NDC1: variants seen among roughly 807,000 people sequenced by gnomAD.
NDC1 encodes the protein nucleoporin NDC1.
In NDC1, 24 loss-of-function variants were observed where a neutral mutation model predicts 89.8. The observed-to-expected ratio is 0.27, with a 90% CI of 0.19 to 0.38. NDC1 has a LOEUF of 0.38. Ranked by LOEUF, NDC1 falls within the 10% of genes least tolerant of loss-of-function variation. The pLI, the probability that NDC1 is intolerant of heterozygous loss-of-function variation, is 1.00. For synonymous variants in NDC1, 296 were observed against 284.8 expected (o/e 1.04, Z -0.39); for missense variants, 728 against 797.6 (o/e 0.91, Z 1.05).
At chr1:53,837,912 A>G (rs188050179) in intron 1 of NDC1, among the ~76,000 whole-genome samples, 3 of 152,334 alleles carry the variant, frequency 2.0e-5, no homozygotes, top group Non-Finnish European at 4.4e-5. Context: ...CCTACTGGAT[A>G]CGGTACCCTT....
intron 3 of NDC1, among the ~76,000 whole-genome samples, chr1:53,828,461 TATCCTAG>T (rs1338938004): frequency 6.6e-6 from 1 of 152,070 alleles, no homozygotes; most frequent in Admixed American, 6.5e-5. Context: ...CAATAGTGCC[TATCCTAG>T]TATTCTCCTA....
At chr1:53,776,378 T>C (rs565887781) in intron 16 of NDC1, among the ~76,000 whole-genome samples, 4 of 152,250 alleles carry the variant, frequency 2.6e-5, no homozygotes, top group East Asian at 1.9e-4. Flanking sequence ...CAGGTCTGAA[T>C]TGAGATATGC....
At chr1:53,817,420 C>T (rs142123127) in intron 6 of NDC1, among the ~76,000 whole-genome samples, 1 of 152,054 alleles carries the variant, frequency 6.6e-6, no homozygotes, top group Non-Finnish European at 1.5e-5. Context: ...CTCACTGATA[C>T]GTGGGAGCTA....
intron 6 of NDC1, among the ~76,000 whole-genome samples, chr1:53,810,347 C>T (rs941817719): frequency 5.3e-5 from 8 of 150,556 alleles, no homozygotes; most frequent in South Asian, 2.1e-4. Context: ...ATGACCCCTG[C>T]GCAAGGATGA....
chr1:53,771,672 CA>C (rs1258316099), intron 17 of NDC1, among the ~76,000 whole-genome samples: 2 of 152,136 alleles, frequency 1.3e-5, no homozygotes, highest in Non-Finnish European at 2.9e-5. Flanking sequence ...TGATTGCATA[CA>C]AAAACAGCAG....
intron 16 of NDC1, among the ~76,000 whole-genome samples, chr1:53,776,810 A>G (rs574237729): frequency 6.6e-6 from 1 of 152,338 alleles, no homozygotes; most frequent in Non-Finnish European, 1.5e-5. Context: ...TTTCATGAAA[A>G]ATCATGCAAT....
intron 10 of NDC1, among the ~76,000 whole-genome samples, chr1:53,803,539 T>C (rs760734840): frequency 3.9e-5 from 6 of 152,146 alleles, no homozygotes; most frequent in Non-Finnish European, 8.8e-5. Flanking sequence ...TTTTATTAAA[T>C]ACATCTTTCT....
chr1:53,827,209 C>T (rs1245075822), intron 4 of NDC1, among the ~76,000 whole-genome samples: 2 of 149,252 alleles, frequency 1.3e-5, no homozygotes, highest in East Asian at 3.9e-4. Flanking sequence ...AATAATGTAA[C>T]ACTGTTTTAA....
At chr1:53,831,478 T>A (rs1472503984) in intron 3 of NDC1, among the ~76,000 whole-genome samples, 3 of 151,644 alleles carry the variant, frequency 2.0e-5, no homozygotes, top group Admixed American at 6.6e-5. Flanking sequence ...ATCAAGACCA[T>A]CCTGGCCAAC....
intron 3 of NDC1, among the ~76,000 whole-genome samples, chr1:53,831,381 T>TA (rs35855608): frequency 0.27 from 41,387 of 151,620 alleles, 7,239 homozygotes; most frequent in African/African-American, 0.5. Flanking sequence ...TTTTTAAGTT[T>TA]AAAAAAAGGA....
intron 16 of NDC1, among the ~76,000 whole-genome samples, chr1:53,777,957 C>T (rs1647175806): frequency 6.6e-6 from 1 of 152,012 alleles, no homozygotes; most frequent in Admixed American, 6.6e-5. Flanking sequence ...TCTTGGCCTT[C>T]CAAAGTGCTG....
chr1:53,819,412 C>T (rs72662324), intron 5 of NDC1, among the ~76,000 whole-genome samples: 1 of 152,244 alleles, frequency 6.6e-6, no homozygotes, highest in Non-Finnish European at 1.5e-5. Context: ...TACCATGTAC[C>T]AGGTACTGTC....
chr1:53,772,501 A>C lies in NDC1; in HGVS notation c.1801-12T>G. ...TACTTGTCGACTGCCTACACCAAGA[A>C]AGAAAACACATCAGTTTAGATTATA... On this transcript the variant is annotated splice_polypyrimidine_tract_variant and intron_variant, in intron 16 of 17. Coordinates refer to ENST00000371429, the MANE Select transcript of NDC1 (RefSeq NM_018087.5). 6.2e-7 allele frequency: 1 copy of C among 1,611,286 alleles called. No individual in the cohort carries two copies. The highest frequency in any genetic ancestry group is 8.5e-7 in the Non-Finnish European group (1 of 1,178,314).
At chr1:53,826,411 G>A (rs965441371) in intron 4 of NDC1, among the ~76,000 whole-genome samples, 2 of 152,148 alleles carry the variant, frequency 1.3e-5, no homozygotes, top group Non-Finnish European at 2.9e-5. Context: ...ATACATGTCC[G>A]ATACCGATTT....
At chr1:53,788,971 C>T (rs1277247176) in intron 15 of NDC1, among the ~76,000 whole-genome samples, 162 bp downstream of exon 15, 1 of 151,430 alleles carries the variant, frequency 6.6e-6, no homozygotes, top group Non-Finnish European at 1.5e-5. Context: ...CAAAATACGC[C>T]TAAATATATT....
At chr1:53,794,902 G>C (rs1014674692) in intron 13 of NDC1, among the ~76,000 whole-genome samples, 1 of 151,912 alleles carries the variant, frequency 6.6e-6, no homozygotes, top group African/African-American at 2.4e-5. Flanking sequence ...AAAGTTCCTT[G>C]ACCCCTCAAT....
chr1:53,809,383 G>A (rs1219218313), intron 7 of NDC1, among the ~76,000 whole-genome samples: 1 of 151,932 alleles, frequency 6.6e-6, no homozygotes, highest in African/African-American at 2.4e-5. Context: ...ACAGGGTCTC[G>A]CTCTATTGCC....
intron 6 of NDC1, among the ~76,000 whole-genome samples, chr1:53,817,502 T>G (rs1321925336): frequency 6.6e-6 from 1 of 152,074 alleles, no homozygotes; most frequent in Non-Finnish European, 1.5e-5. Context: ...GGGAGGGGGA[T>G]GAGGGATAAA....
intron 14 of NDC1, among the ~76,000 whole-genome samples, chr1:53,790,811 T>G (rs1025038122): frequency 1.3e-5 from 2 of 152,196 alleles, no homozygotes; most frequent in Admixed American, 6.5e-5. Flanking sequence ...CCGCCTAACC[T>G]TCACGTAAAA....
Sources: gnomAD v4.1 joint callset for allele counts (sites outside exome capture counted in the v4.1 genomes callset) on GRCh38, gnomAD v4.1.1 for gene constraint, MANE v1.5 for transcripts, NCBI Gene and HGNC (gene_info 2026-07-23, HGNC 2026-07-21) for gene names.